The following SYTL4 variants were observed in gnomAD, a reference collection of about 807,000 sequenced individuals.
SYTL4 encodes the protein synaptotagmin like 4.
Under a neutral mutation model 52.7 loss-of-function variants are expected in SYTL4, and 16 were observed. The observed-to-expected ratio is 0.30, with a 90% CI of 0.21 to 0.46. The LOEUF is 0.46. Among genes scored for constraint, SYTL4 ranks in the 20% least tolerant of loss-of-function variants. SYTL4 has a pLI of 1.00. For missense variants in SYTL4, 423 were observed against 519.9 expected (o/e 0.81, Z 1.81); for synonymous variants, 160 against 186.6 (o/e 0.86, Z 1.16).
At chrX:100,677,588 A>G (rs2083300734) in intron 19 of SYTL4, among the ~76,000 whole-genome samples, 1 of 112,283 alleles carries the variant, frequency 8.9e-6, no homozygotes, top group Non-Finnish European at 1.9e-5. Context: ...CCAAGCACCA[A>G]CATTTAGAGT....
At chrX:100,709,516 A>T (rs1296292605) in intron 2 of SYTL4, among the ~76,000 whole-genome samples, 1 of 111,106 alleles carries the variant, frequency 9.0e-6, no homozygotes, top group African/African-American at 3.3e-5. Context: ...AAACAAACAA[A>T]CAAAAAGCTT....
At position 100,674,778 on chromosome X, in the gene SYTL4, C is replaced by T. The variant is rs936918158; in HGVS notation, c.*1250G>A. ...TTCCACACACAACTTTGGGTAGAAA[C>T]GCTTATGAGAATAGAAAGGTCAGTT... On this transcript the variant is annotated 3_prime_UTR_variant, in exon 20 of 20. Transcript: ENST00000372989. The T allele has an allele frequency of 3.6e-5, 4 of 111,744 alleles. No homozygotes were observed. The highest frequency in any genetic ancestry group is 5.6e-5 in the Non-Finnish European group (3 of 53,188). 9.2% of individuals were successfully genotyped at this position (111,744 alleles called of 1,213,427 possible).
chrX:100,703,864 C>T (rs1028619606), intron 3 of SYTL4, among the ~76,000 whole-genome samples: 9 of 112,131 alleles, frequency 8.0e-5, no homozygotes, highest in Non-Finnish European at 1.5e-4. Flanking sequence ...AAGAATTTAT[C>T]TAAATATTTG....
intron 2 of SYTL4, among the ~76,000 whole-genome samples, chrX:100,707,849 CTG>C (rs1357770593): frequency 9.0e-6 from 1 of 111,572 alleles, no homozygotes; most frequent in African/African-American, 3.3e-5. Flanking sequence ...ACAACTTGTT[CTG>C]TGTTAGTCCT....
In SYTL4 at chrX:100,675,090, C is replaced by G. The variant is rs1176324996; in HGVS notation, c.*938G>C. On this transcript the variant is annotated 3_prime_UTR_variant, in exon 20 of 20. Coordinates refer to ENST00000372989, the MANE Select transcript of SYTL4 (RefSeq NM_001370165.1). ...AGACCATGCTCTGTTTGATAACACA[C>G]CCCAGACGCAAACACTAAGACAGAT... is the stretch of plus-strand genomic sequence containing the variant. The G allele has an allele frequency of 6.2e-5, 7 of 112,126 alleles. No homozygotes were observed. Among genetic ancestry groups the G allele is most frequent in the African/African-American group, 2.3e-4 (7 of 30,769 alleles). 9.2% of individuals were successfully genotyped at this position (112,126 alleles called of 1,213,427 possible).
intron 2 of SYTL4, among the ~76,000 whole-genome samples, chrX:100,721,118 A>C (rs1263309927): frequency 8.9e-6 from 1 of 111,791 alleles, no homozygotes; most frequent in African/African-American, 3.3e-5. Context: ...AAAAAATTAA[A>C]ACCAATGAAA....
chrX:100,682,054 A>T (rs2083384609), intron 16 of SYTL4, among the ~76,000 whole-genome samples: 1 of 111,924 alleles, frequency 8.9e-6, no homozygotes, highest in Admixed American at 9.5e-5. Context: ...AGGTACTATT[A>T]ACTCCATTTT....
intron 2 of SYTL4, among the ~76,000 whole-genome samples, chrX:100,718,799 C>CT (rs372135486): frequency 0.44 from 42,982 of 97,918 alleles, 8,346 homozygotes; most frequent in South Asian, 0.54. Context: ...CTTTTCACTC[C>CT]TTTTTTTTTT....
chrX:100,717,130 T>G (rs2084241996), intron 2 of SYTL4, among the ~76,000 whole-genome samples: 2 of 112,091 alleles, frequency 1.8e-5, no homozygotes, highest in Non-Finnish European at 3.8e-5. Flanking sequence ...TGTTACAGAA[T>G]GCTCACTAGT....
At chrX:100,692,727 G>A (rs1312586402) in intron 8 of SYTL4, among the ~76,000 whole-genome samples, 1 of 110,149 alleles carries the variant, frequency 9.1e-6, no homozygotes, top group East Asian at 2.9e-4. Flanking sequence ...ACACTCTCCT[G>A]GTTTCCTCCT....
At chrX:100,687,271 C>G in intron 13 of SYTL4, 26 bp from the exon 14 acceptor site, 2 of 1,184,307 alleles carry the variant, frequency 1.7e-6, no homozygotes, top group Non-Finnish European at 2.3e-6. Flanking sequence ...CCACGAACAT[C>G]TGGGGAAGGC....
intron 8 of SYTL4, among the ~76,000 whole-genome samples, chrX:100,697,173 C>T (rs1354254162): frequency 1.8e-5 from 2 of 111,818 alleles, no homozygotes; most frequent in Non-Finnish European, 3.8e-5. Flanking sequence ...TCTCCCAGGG[C>T]ACTGGTATGA....
At chrX:100,690,270 A>G in intron 10 of SYTL4, 105 bp from the exon 11 acceptor site, 1 of 541,907 alleles carries the variant, frequency 1.8e-6, no homozygotes, top group Non-Finnish European at 3.0e-6. Flanking sequence ...GATTTTCGCT[A>G]AACTATGACA....
At chrX:100,710,934 T>C (rs1329702185) in intron 2 of SYTL4, among the ~76,000 whole-genome samples, 3 of 112,346 alleles carry the variant, frequency 2.7e-5, no homozygotes, top group Non-Finnish European at 5.6e-5. Flanking sequence ...ATGGTATGCC[T>C]GTGAGGAAAT....
intron 2 of SYTL4, among the ~76,000 whole-genome samples, chrX:100,707,348 C>T (rs753671100): frequency 9.0e-6 from 1 of 110,986 alleles, no homozygotes; most frequent in Non-Finnish European, 1.9e-5. Context: ...TTTATAAAGA[C>T]ACTTCTAAAT....
chrX:100,698,264 G>A (rs761046860), intron 8 of SYTL4, among the ~76,000 whole-genome samples: 28 of 109,915 alleles, frequency 2.5e-4, no homozygotes, highest in African/African-American at 7.6e-4. Flanking sequence ...CACCACGCCC[G>A]GCTAATTTTT....
chrX:100,717,048 T>G (rs928751424), intron 2 of SYTL4, among the ~76,000 whole-genome samples: 1 of 111,757 alleles, frequency 8.9e-6, no homozygotes, highest in Non-Finnish European at 1.9e-5. Context: ...GTAATTATCT[T>G]TGAATGTGTG....
chrX:100,703,359 C>T (rs2083894615), intron 3 of SYTL4, among the ~76,000 whole-genome samples, 174 bp from the exon 4 acceptor site: 1 of 111,736 alleles, frequency 8.9e-6, no homozygotes, highest in African/African-American at 3.3e-5. Context: ...AAGCAAGATC[C>T]TGTCTGGAAA....
chrX:100,689,799 C>A, intron 12 of SYTL4, 57 bp downstream of exon 12: 1 of 822,314 alleles, frequency 1.2e-6, no homozygotes. Flanking sequence ...GTACTAAAGC[C>A]AACTCCAGAT....
Sources: gnomAD v4.1 joint callset for allele counts (sites outside exome capture counted in the v4.1 genomes callset) on GRCh38, gnomAD v4.1.1 for gene constraint, MANE v1.5 for transcripts, NCBI Gene and HGNC (gene_info 2026-07-23, HGNC 2026-07-21) for gene names.